S100PBP: variants seen among roughly 807,000 people sequenced by gnomAD.
S100PBP encodes S100P-binding protein.
A neutral mutation model predicts 39.9 loss-of-function variants in S100PBP; 15 were observed. The observed-to-expected ratio is 0.38, with a 90% CI of 0.25 to 0.58. S100PBP has a LOEUF of 0.58. S100PBP is among the 20% of genes least tolerant of loss of function. The pLI, the probability that S100PBP is intolerant of heterozygous loss-of-function variation, is 0.70. For synonymous variants in S100PBP, 178 were observed against 180.3 expected (o/e 0.99, Z 0.10); for missense variants, 504 against 487.3 (o/e 1.03, Z -0.32).
chr1:32,826,505 C>T lies in S100PBP; in HGVS notation c.406C>T (p.Arg136Cys), dbSNP rs146546920. ...GPAHTKPLNR[R>C]SVLEKNLIKV... ...AGCTCATACTAAACCATTAAACAGA[C>T]GCTCTGTACTAGAAAAGAATCTTAT... Residue 136 changes from arginine to cysteine, a missense_variant, in exon 3 of 7, where the codon CGC (arginine) becomes TGC (cysteine). Transcript: ENST00000373475. The T allele has an allele frequency of 3.7e-5, 59 of 1,613,960 alleles. No homozygotes were observed. The African/African-American group carries it at 6.3e-4, about 17-fold the overall frequency.
intron 5 of S100PBP, among the ~76,000 whole-genome samples, chr1:32,834,251 G>A (rs1417318764): frequency 6.6e-6 from 1 of 152,100 alleles, no homozygotes; most frequent in Non-Finnish European, 1.5e-5. Flanking sequence ...AAAAAATCAT[G>A]TAATATATAT....
chr1:32,840,474 A>G (rs1468666272), intron 5 of S100PBP, among the ~76,000 whole-genome samples: 1 of 151,888 alleles, frequency 6.6e-6, no homozygotes, highest in Non-Finnish European at 1.5e-5. Flanking sequence ...TCCCTGCCTC[A>G]GTCTCCCAAG....
At chr1:32,827,127 C>T (rs983777969) in intron 3 of S100PBP, among the ~76,000 whole-genome samples, 197 bp downstream of exon 3, 2 of 152,184 alleles carry the variant, frequency 1.3e-5, no homozygotes, top group Admixed American at 6.5e-5. Flanking sequence ...TCCTGACTAG[C>T]ACTGTGACCC....
chr1:32,839,497 A>C (rs1217277439), intron 5 of S100PBP, among the ~76,000 whole-genome samples: 1 of 152,152 alleles, frequency 6.6e-6, no homozygotes, highest in Non-Finnish European at 1.5e-5. Context: ...CCAAGAAGAG[A>C]AGAGGAATTG....
At chr1:32,826,016 G>T in intron 2 of S100PBP, 82 bp from the exon 3 acceptor site, 2 of 952,636 alleles carry the variant, frequency 2.1e-6, no homozygotes, top group South Asian at 3.2e-5. Context: ...TGAAATACTA[G>T]AACATTACCC....
chr1:32,844,390 G>T (rs1161831935), intron 5 of S100PBP, among the ~76,000 whole-genome samples: 3 of 152,160 alleles, frequency 2.0e-5, no homozygotes, highest in Admixed American at 1.3e-4. Flanking sequence ...ACTGGGCACG[G>T]TGGCTCATGC....
At chr1:32,843,402 C>T (rs544750732) in intron 5 of S100PBP, among the ~76,000 whole-genome samples, 1 of 151,886 alleles carries the variant, frequency 6.6e-6, no homozygotes, top group East Asian at 1.9e-4. Flanking sequence ...TCTCAGCTCA[C>T]TGCAACCTCA....
Position 32,837,758 on chromosome 1 carries a change from T to C in S100PBP, c.1024+7691T>C, listed in dbSNP as rs1197330348. Among the ~76,000 whole-genome samples, 7 of 151,958 alleles carry C rather than the reference T, an allele frequency of 4.6e-5. No homozygotes were observed. In the East Asian group the frequency reaches 1.4e-3, roughly 30 times the overall value. On this transcript the variant is annotated intron_variant, in intron 5 of 6. Transcript: ENST00000373475. Reference sequence around the variant, plus strand: ...GATGGAATCATACACTATGTACTCTTTTGAGTCTGGCTTCTTTGTCTCAAG... The same window carrying C: ...GATGGAATCATACACTATGTACTCTCTTGAGTCTGGCTTCTTTGTCTCAAG...
intron 5 of S100PBP, among the ~76,000 whole-genome samples, chr1:32,842,131 T>C (rs1029321318): frequency 7.2e-6 from 1 of 139,332 alleles, no homozygotes; most frequent in Non-Finnish European, 1.5e-5. Flanking sequence ...GGAGGTTGCA[T>C]TGATGCACCA....
At chr1:32,825,864 A>AT (rs752648405) in intron 2 of S100PBP, among the ~76,000 whole-genome samples, 1 of 152,224 alleles carries the variant, frequency 6.6e-6, no homozygotes, top group Non-Finnish European at 1.5e-5. Flanking sequence ...ATCCTCACCA[A>AT]TCCAGATTAT....
At chr1:32,831,843 T>C (rs558929011) in intron 5 of S100PBP, among the ~76,000 whole-genome samples, 4 of 152,170 alleles carry the variant, frequency 2.6e-5, no homozygotes, top group African/African-American at 7.2e-5. Flanking sequence ...CAGTTGACAC[T>C]GATGATATCC....
At chr1:32,853,466 G>A (rs1347927723) in intron 6 of S100PBP, among the ~76,000 whole-genome samples, 3 of 118,268 alleles carry the variant, frequency 2.5e-5, no homozygotes, top group African/African-American at 3.3e-5. Flanking sequence ...GCAAGACTCC[G>A]TCTAAAAAAA....
At chr1:32,816,960 CACAAG>C (rs1207166983), upstream of S100PBP, 3 of 615,322 alleles carry the variant, frequency 4.9e-6, no homozygotes, top group African/African-American at 3.7e-5. Context: ...TTGGCTCCAA[CACAAG>C]ACAACTGGAC....
intron 3 of S100PBP, 58 bp downstream of exon 3, chr1:32,826,988 T>C: frequency 1.6e-6 from 2 of 1,234,654 alleles, no homozygotes; most frequent in Middle Eastern, 2.5e-4. Flanking sequence ...TTCAGATGTA[T>C]AGCAGAGTTT....
chr1:32,844,233 G>A (rs1008192150), intron 5 of S100PBP, among the ~76,000 whole-genome samples: 1 of 151,954 alleles, frequency 6.6e-6, no homozygotes, highest in African/African-American at 2.4e-5. Flanking sequence ...TGTATTTTTA[G>A]CAGAGGTGGG....
intron 5 of S100PBP, 187 bp from the exon 6 acceptor site, chr1:32,852,892 A>G: frequency 1.9e-6 from 1 of 535,076 alleles, no homozygotes; most frequent in Non-Finnish European, 3.4e-6. Context: ...TTATTGCTTC[A>G]CCTTCACCCT....
chr1:32,844,141 C>G (rs569482417), intron 5 of S100PBP, among the ~76,000 whole-genome samples: 376 of 152,122 alleles, frequency 2.5e-3, no homozygotes, highest in Middle Eastern at 0.02. Context: ...GTCTTGAACT[C>G]CTGACCTTAG....
At chr1:32,839,406 C>A (rs950113184) in intron 5 of S100PBP, among the ~76,000 whole-genome samples, 3 of 152,318 alleles carry the variant, frequency 2.0e-5, no homozygotes, top group Non-Finnish European at 4.4e-5. Flanking sequence ...TTTGCTTCCA[C>A]CTTTTAGCTT....
chr1:32,841,729 CAA>C (rs56267418), intron 5 of S100PBP, among the ~76,000 whole-genome samples: 2,130 of 55,092 alleles, frequency 0.039, 36 homozygotes, highest in African/African-American at 0.12. Flanking sequence ...AACTCTGTCT[CAA>C]AAAAAAAAAA....
Sources: gnomAD v4.1 joint callset for allele counts (sites outside exome capture counted in the v4.1 genomes callset) on GRCh38, gnomAD v4.1.1 for gene constraint, MANE v1.5 for transcripts, NCBI Gene and HGNC (gene_info 2026-07-23, HGNC 2026-07-21) for gene names.